The following FAM13A variants were observed in gnomAD, a reference collection of about 807,000 sequenced individuals.
FAM13A encodes family with sequence similarity 13 member A.
FAM13A carries 76 observed loss-of-function variants against 129.6 expected under a neutral mutation model. The observed-to-expected ratio is 0.59, with a 90% CI of 0.49 to 0.71. The LOEUF is 0.71. Ranked by LOEUF, FAM13A falls within the 30% of genes least tolerant of loss-of-function variation. The pLI, the probability that FAM13A is intolerant of heterozygous loss-of-function variation, is 0.00. For synonymous variants in FAM13A, 443 were observed against 449.9 expected (o/e 0.98, Z 0.20); for missense variants, 1,108 against 1,249.3 (o/e 0.89, Z 1.70).
In FAM13A at chr4:88,737,508, G is replaced by T. The variant is rs1447522487; in HGVS notation, c.2610C>A (p.Ile870=). ...KRRSPLLQPI[I]EGETASFFKE... ...TGAAGAAGGAAGCAGTTTCGCCCTC[G>T]ATAATTGGCTGCAGCAAAGGGCTTC... is the stretch of plus-strand genomic sequence containing the variant. The change falls in exon 21 of 24, where the codon ATC becomes ATA. Residue 870 remains isoleucine (I), a synonymous_variant. Coordinates refer to ENST00000264344, the MANE Select transcript of FAM13A (RefSeq NM_014883.4). The T allele has an allele frequency of 6.2e-7, 1 of 1,614,072 alleles. No individual in the cohort carries two copies. The highest frequency in any genetic ancestry group is 8.5e-7 in the Non-Finnish European group (1 of 1,179,970).
At chr4:88,928,821 T>A (rs947922945) in intron 5 of FAM13A, among the ~76,000 whole-genome samples, 2 of 152,190 alleles carry the variant, frequency 1.3e-5, no homozygotes, top group African/African-American at 4.8e-5. Flanking sequence ...AATATTTATA[T>A]GTGAGGCTTT....
chr4:89,016,076 G>A (rs1042467058), intron 3 of FAM13A, among the ~76,000 whole-genome samples: 1 of 151,928 alleles, frequency 6.6e-6, no homozygotes, highest in African/African-American at 2.4e-5. Context: ...TTCCACAAGT[G>A]TTACTGTTCC....
intron 6 of FAM13A, among the ~76,000 whole-genome samples, chr4:88,863,246 A>G (rs963422337): frequency 2.6e-5 from 4 of 152,132 alleles, no homozygotes; most frequent in Non-Finnish European, 4.4e-5. Flanking sequence ...ACCAATGACC[A>G]ATGCTTTAAT....
chr4:88,871,073 A>C (rs1282514231), intron 6 of FAM13A, among the ~76,000 whole-genome samples: 2 of 152,254 alleles, frequency 1.3e-5, no homozygotes, highest in Non-Finnish European at 2.9e-5. Context: ...TAGAAGGAAA[A>C]CTAACAAACA....
At chr4:88,794,787 C>G (rs1725840742) in intron 8 of FAM13A, among the ~76,000 whole-genome samples, 1 of 151,538 alleles carries the variant, frequency 6.6e-6, no homozygotes, top group African/African-American at 2.4e-5. Context: ...TTAAATAAAC[C>G]TAAGGATAAA....
At chr4:88,762,806 A>G (rs1033614478) in intron 13 of FAM13A, among the ~76,000 whole-genome samples, 1 of 152,046 alleles carries the variant, frequency 6.6e-6, no homozygotes, top group South Asian at 2.1e-4. Context: ...TTAAAATGTC[A>G]AAAGCATTCT....
At chr4:88,733,265 TAAAC>T (rs1436179398) in intron 21 of FAM13A, among the ~76,000 whole-genome samples, 1 of 152,078 alleles carries the variant, frequency 6.6e-6, no homozygotes, top group East Asian at 1.9e-4. Context: ...ATAATGTGAA[TAAAC>T]AAGCAACCAA....
intron 1 of FAM13A, among the ~76,000 whole-genome samples, chr4:89,046,516 AC>A (rs1770880729): frequency 6.6e-6 from 1 of 152,314 alleles, no homozygotes; most frequent in Non-Finnish European, 1.5e-5. Context: ...ATAATGTGAT[AC>A]CATTTGTTAT....
intron 4 of FAM13A, among the ~76,000 whole-genome samples, chr4:88,951,698 A>G (rs1425074286): frequency 6.6e-6 from 1 of 152,166 alleles, no homozygotes; most frequent in Non-Finnish European, 1.5e-5. Flanking sequence ...CCCATCTTCC[A>G]ATGTTCAATT....
intron 7 of FAM13A, among the ~76,000 whole-genome samples, chr4:88,850,633 G>C (rs539424791): frequency 6.6e-6 from 1 of 152,252 alleles, no homozygotes; most frequent in Admixed American, 6.5e-5. Flanking sequence ...CAACATACTG[G>C]TTAAAAAGCA....
intron 3 of FAM13A, among the ~76,000 whole-genome samples, chr4:89,007,844 T>C (rs1401142944): frequency 6.6e-6 from 1 of 152,154 alleles, no homozygotes; most frequent in Non-Finnish European, 1.5e-5. Flanking sequence ...GGTGCTAAGA[T>C]TAAAACAGAT....
rs555112242 is a variant in FAM13A, at chr4:88,926,500, C to T, written c.759+11588G>A. Among the ~76,000 whole-genome samples the T allele has an allele frequency of 3.3e-5, 5 of 152,258 alleles. No homozygotes were observed. The East Asian group carries it at 7.7e-4, about 24-fold the overall frequency. ...TGGAAACAGTTTAAAGGATACATAGCATAATGGCGTCTTCATAAGCAAAAG... is the reference window on the plus strand; with the variant it reads ...TGGAAACAGTTTAAAGGATACATAGTATAATGGCGTCTTCATAAGCAAAAG... On this transcript the variant is annotated intron_variant, in intron 5 of 23. Coordinates refer to ENST00000264344, the MANE Select transcript of FAM13A (RefSeq NM_014883.4).
intron 7 of FAM13A, among the ~76,000 whole-genome samples, chr4:88,815,943 G>A (rs1045156471): frequency 6.6e-6 from 1 of 150,514 alleles, no homozygotes; most frequent in African/African-American, 2.4e-5. Flanking sequence ...AATATTAATA[G>A]TTGCTATCTG....
chr4:88,750,568 T>G lies in FAM13A; in HGVS notation c.1796A>C (p.Gln599Pro). The change falls in exon 15 of 24, where the codon CAG becomes CCG. Residue 599 changes from glutamine to proline, a missense_variant. Coordinates refer to ENST00000264344, the MANE Select transcript of FAM13A (RefSeq NM_014883.4). ...CAGCTGACGGATCAGGCGCCCAGCC[T>G]GCGGCGAGAGGTGGGCTTCATCAGA... ...SDSDEAHLSP[Q>P]AGRLIRQLLD... 1 of 1,614,154 alleles carries G rather than the reference T, an allele frequency of 6.2e-7. No individual in the cohort carries two copies. The highest frequency in any genetic ancestry group is 8.5e-7 in the Non-Finnish European group (1 of 1,180,022).
At chr4:89,012,966 C>A (rs920939014) in intron 3 of FAM13A, among the ~76,000 whole-genome samples, 8 of 152,036 alleles carry the variant, frequency 5.3e-5, no homozygotes, top group African/African-American at 1.4e-4. Flanking sequence ...AGGGTAGTCA[C>A]CCCTGAGGAA....
intron 6 of FAM13A, among the ~76,000 whole-genome samples, chr4:88,864,366 T>C (rs530779202): frequency 6.6e-5 from 10 of 152,332 alleles, no homozygotes; most frequent in African/African-American, 2.2e-4. Flanking sequence ...TTCAGAGTTA[T>C]TAAATCAAGA....
At position 88,788,068 on chromosome 4, in the gene FAM13A, G is replaced by C. The variant is rs144659863; in HGVS notation, c.1092-136C>G. On this transcript the variant is annotated intron_variant, in intron 9 of 23. Coordinates refer to ENST00000264344, the MANE Select transcript of FAM13A (RefSeq NM_014883.4). The stretch of plus-strand genomic sequence containing the variant: ...TAGAACTTCATAAGCAAAGAGAGAT[G>C]ATGAGGCATTAATCTAAAAAATATC... 3,663 of 595,910 alleles carry C rather than the reference G, an allele frequency of 6.1e-3. 17 individuals carry two copies. The highest frequency in any genetic ancestry group is 6.3e-3 in the Admixed American group (179 of 28,410). The allele number at this position is 595,910 out of a possible 1,614,324, so 36.9% of individuals were successfully genotyped here.
At chr4:88,898,536 T>C (rs1746727731) in intron 6 of FAM13A, among the ~76,000 whole-genome samples, 2 of 152,142 alleles carry the variant, frequency 1.3e-5, no homozygotes, top group African/African-American at 2.4e-5. Flanking sequence ...AAATAAACCA[T>C]ATACTCTTGC....
At chr4:89,018,205 G>A (rs193242510) in intron 3 of FAM13A, among the ~76,000 whole-genome samples, 17 of 152,188 alleles carry the variant, frequency 1.1e-4, no homozygotes, top group African/African-American at 4.1e-4. Context: ...AGGTAATTAA[G>A]GTTAAATTAG....
Sources: allele counts gnomAD v4.1 joint callset (sites outside exome capture counted in the v4.1 genomes callset), GRCh38; gene constraint gnomAD v4.1.1; transcripts MANE v1.5; gene names NCBI Gene and HGNC (gene_info 2026-07-23, HGNC 2026-07-21).